SCOC: variants seen among roughly 807,000 people sequenced by gnomAD.
SCOC encodes the protein short coiled-coil protein.
In SCOC, 7 loss-of-function variants were observed where a neutral mutation model predicts 9.9. The ratio of observed to expected loss-of-function variants is 0.71; its 90% confidence interval spans 0.40 to 1.33. SCOC has a LOEUF of 1.33. Among genes scored for constraint, SCOC ranks in the 40% most tolerant of loss-of-function variants. The pLI, the probability that SCOC is intolerant of heterozygous loss-of-function variation, is 0.01. For missense variants in SCOC, 66 were observed against 89.7 expected, an observed-to-expected ratio of 0.74 and a Z score of 1.07; for synonymous variants, 19 against 28.2, an observed-to-expected ratio of 0.67 and a Z score of 1.03.
At chr4:140,318,856 T>C (rs1400495951) in intron 1 of SCOC, among the ~76,000 whole-genome samples, 1 of 152,190 alleles carries the variant, frequency 6.6e-6, no homozygotes, top group Non-Finnish European at 1.5e-5. Flanking sequence ...TTTAACTCAG[T>C]GTCTGAGGGG....
At chr4:140,278,717 A>T (rs1731038505) in intron 1 of SCOC, among the ~76,000 whole-genome samples, 1 of 152,140 alleles carries the variant, frequency 6.6e-6, no homozygotes. Flanking sequence ...GGACACATAT[A>T]TTCAAATCAT....
chr4:140,297,174 G>A (rs913167102), intron 1 of SCOC, among the ~76,000 whole-genome samples: 1 of 152,062 alleles, frequency 6.6e-6, no homozygotes. Context: ...TGCCTTGCAG[G>A]TGTACTCTTG....
chr4:140,370,894 C>CTT (rs200698292), upstream of SCOC, among the ~76,000 whole-genome samples: 6 of 142,994 alleles, frequency 4.2e-5, no homozygotes, highest in Admixed American at 7.0e-5. Context: ...TGTCTGAATT[C>CTT]TTTTTTTTTT....
chr4:140,285,128 C>G lies in SCOC; in HGVS notation c.-19+27718C>G, dbSNP rs568530700. ...TTAGAGAATCGAGGCAAACTCATCACGTCTCAAAGCTTGTATATGAAGCAA... is the reference window on the plus strand; with the variant it reads ...TTAGAGAATCGAGGCAAACTCATCAGGTCTCAAAGCTTGTATATGAAGCAA... On this transcript the variant is annotated intron_variant, in intron 1 of 4. Coordinates refer to the SCOC transcript ENST00000394205. The G allele has an allele frequency of 3.5e-4, 161 of 454,538 alleles. 1 individual carries two copies. The highest frequency in any genetic ancestry group is 2.5e-3 in the South Asian group (160 of 64,230). The allele number at this position is 454,538 out of a possible 1,614,324, so 28.2% of individuals were successfully genotyped here.
chr4:140,362,305 T>TCTTCTTCTTCTTCTTCTTCTC lies in SCOC; in HGVS notation c.71-16816_71-16815insCTTCTTCTTCTTCTTCTTCTC. Among the ~76,000 whole-genome samples the TCTTCTTCTTCTTCTTCTTCTC allele has an allele frequency of 2.2e-4, 2 of 9,236 alleles. 1 individual carries two copies. The highest frequency in any genetic ancestry group is 5.1e-4 in the Non-Finnish European group (2 of 3,900). 6.1% of individuals were successfully genotyped at this position (9,236 alleles called of 152,430 possible). On this transcript the variant is annotated intron_variant, in intron 2 of 4. Transcript: ENST00000338517. ...TCTTCTTCTTCTTCTTCTTCTTTTT[T>TCTTCTTCTTCTTCTTCTTCTC]TTTTTTTTTTGTGAGAGTCTCGCTC...
At chr4:140,348,231 G>A (rs909939389) in intron 2 of SCOC, among the ~76,000 whole-genome samples, 4 of 151,920 alleles carry the variant, frequency 2.6e-5, no homozygotes, top group African/African-American at 4.8e-5. Context: ...TATAGTTGCC[G>A]TGATGTACAA....
intron 1 of SCOC, among the ~76,000 whole-genome samples, chr4:140,306,748 G>C (rs1732000498): frequency 6.8e-6 from 1 of 147,128 alleles, no homozygotes; most frequent in South Asian, 2.2e-4. Context: ...GTGGAAGCCA[G>C]CTGGTCAGGA....
chr4:140,276,225 A>G (rs1730977934), intron 1 of SCOC, among the ~76,000 whole-genome samples: 1 of 152,004 alleles, frequency 6.6e-6, no homozygotes, highest in South Asian at 2.1e-4. Flanking sequence ...GATGGTCTTA[A>G]TCTCCTGTCC....
At chr4:140,324,424 T>C (rs141149194) in intron 1 of SCOC, among the ~76,000 whole-genome samples, 34 of 152,306 alleles carry the variant, frequency 2.2e-4, no homozygotes, top group African/African-American at 6.7e-4. Flanking sequence ...CTGTCTTTAA[T>C]TGAAGATGAC....
At chr4:140,321,483 T>A (rs957714546) in intron 1 of SCOC, among the ~76,000 whole-genome samples, 1 of 151,966 alleles carries the variant, frequency 6.6e-6, no homozygotes, top group Non-Finnish European at 1.5e-5. Context: ...AACAGAGAGA[T>A]AGAAACAACA....
intron 1 of SCOC, among the ~76,000 whole-genome samples, chr4:140,300,620 G>C (rs1731785716): frequency 6.6e-6 from 1 of 152,200 alleles, no homozygotes; most frequent in Non-Finnish European, 1.5e-5. Flanking sequence ...TTGAATGGAG[G>C]CTGTCTGTGC....
At chr4:140,269,024 C>T (rs1311924238) in intron 1 of SCOC, among the ~76,000 whole-genome samples, 1 of 152,170 alleles carries the variant, frequency 6.6e-6, no homozygotes, top group African/African-American at 2.4e-5. Flanking sequence ...AGCTGCCTGG[C>T]TTCCAATGAA....
chr4:140,335,315 G>A (rs1311341449), intron 1 of SCOC, among the ~76,000 whole-genome samples: 1 of 152,174 alleles, frequency 6.6e-6, no homozygotes, highest in African/African-American at 2.4e-5. Context: ...TTGTCCTCAT[G>A]TTTCTGTTTC....
intron 1 of SCOC, among the ~76,000 whole-genome samples, chr4:140,338,022 T>C (rs1301702668): frequency 6.6e-6 from 1 of 152,210 alleles, no homozygotes; most frequent in Admixed American, 6.5e-5. Flanking sequence ...CCAATATCCC[T>C]GATGAACATC....
chr4:140,383,096 C>T lies in SCOC; in HGVS notation c.*1992C>T, dbSNP rs1159238245. On this transcript the variant is annotated 3_prime_UTR_variant, in exon 4 of 4. Coordinates refer to ENST00000608372, the MANE Select transcript of SCOC (RefSeq NM_001153484.2). ...AATGGCTCATATATCTTCTCATATT[C>T]CAGTGGTGTGGAGACTTAGTTACAT... 1 of 152,208 alleles carries T rather than the reference C, an allele frequency of 6.6e-6. No individual in the cohort carries two copies. Among genetic ancestry groups the T allele is most frequent in the African/African-American group, 2.4e-5 (1 of 41,426 alleles). 9.4% of individuals were successfully genotyped at this position (152,208 alleles called of 1,614,324 possible).
chr4:140,351,829 A>C (rs1219173103), intron 2 of SCOC, among the ~76,000 whole-genome samples: 1 of 152,100 alleles, frequency 6.6e-6, no homozygotes, highest in Non-Finnish European at 1.5e-5. Flanking sequence ...ATATGGGCTA[A>C]AGAAGGAAAT....
chr4:140,267,772 G>T (rs1432580855), intron 1 of SCOC, among the ~76,000 whole-genome samples: 1 of 152,128 alleles, frequency 6.6e-6, no homozygotes, highest in Non-Finnish European at 1.5e-5. Context: ...TGTCTTTGCA[G>T]TCTGGATTCC....
chr4:140,309,626 T>C (rs1732093155), intron 1 of SCOC, among the ~76,000 whole-genome samples: 1 of 152,236 alleles, frequency 6.6e-6, no homozygotes, highest in African/African-American at 2.4e-5. Flanking sequence ...CAAATAAATC[T>C]GGGCTTCTTT....
chr4:140,296,369 A>T (rs773056209), intron 1 of SCOC, among the ~76,000 whole-genome samples: 2 of 152,234 alleles, frequency 1.3e-5, no homozygotes, highest in African/African-American at 4.8e-5. Flanking sequence ...TTTCAGAACT[A>T]CTAAGGGTGG....
Sources: gnomAD v4.1 joint callset for allele counts (sites outside exome capture counted in the v4.1 genomes callset) on GRCh38, gnomAD v4.1.1 for gene constraint, MANE v1.5 for transcripts, NCBI Gene and HGNC (gene_info 2026-07-23, HGNC 2026-07-21) for gene names.